Variants in PCDH11X observed in about 807,000 individuals in gnomAD.
PCDH11X encodes protocadherin-11 X-linked.
Under a neutral mutation model 53.3 loss-of-function variants are expected in PCDH11X, and 18 were observed. That is an observed-to-expected ratio of 0.34 (90% confidence interval 0.23 to 0.50). PCDH11X has a LOEUF of 0.50. Among genes scored for constraint, PCDH11X ranks in the 20% least tolerant of loss-of-function variants. The probability of loss-of-function intolerance (pLI) is 0.98; values close to 1 mark genes in which losing one functional copy is unlikely to be tolerated. For missense variants in PCDH11X, 570 were observed against 1,032.4 expected, an observed-to-expected ratio of 0.55 and a Z score of 6.14; for synonymous variants, 279 against 393.3, an observed-to-expected ratio of 0.71 and a Z score of 3.44.
chrX:92,563,772 C>G (rs757704747), intron 10 of PCDH11X, among the ~76,000 whole-genome samples: 8 of 111,184 alleles, frequency 7.2e-5, no homozygotes, highest in African/African-American at 2.6e-4. Flanking sequence ...AAAAAACTCA[C>G]TGGTAATAGT....
chrX:91,989,168 ATCCT>A (rs937492963), intron 6 of PCDH11X, among the ~76,000 whole-genome samples: 1 of 110,552 alleles, frequency 9.0e-6, no homozygotes, highest in Non-Finnish European at 1.9e-5. Context: ...AAGAAAGTCC[ATCCT>A]TCCTGATTCA....
At chrX:92,311,681 A>G (rs2068954022) in intron 8 of PCDH11X, among the ~76,000 whole-genome samples, 1 of 111,146 alleles carries the variant, frequency 9.0e-6, no homozygotes. Flanking sequence ...AGTAGCTCAC[A>G]GGACTTATCT....
intron 6 of PCDH11X, among the ~76,000 whole-genome samples, chrX:92,186,816 G>T (rs2066107887): frequency 9.0e-6 from 1 of 110,581 alleles, no homozygotes. Flanking sequence ...AGAGCTAAAA[G>T]AGAGAGTTTT....
At chrX:92,245,629 T>C (rs2067335062) in intron 7 of PCDH11X, among the ~76,000 whole-genome samples, 1 of 111,982 alleles carries the variant, frequency 8.9e-6, no homozygotes, top group Non-Finnish European at 1.9e-5. Context: ...GCCTGGTGAA[T>C]GAATGAGTGG....
At chrX:92,343,210 G>A (rs182380530) in intron 8 of PCDH11X, among the ~76,000 whole-genome samples, 1,582 of 111,781 alleles carry the variant, frequency 0.014, 12 homozygotes, top group Non-Finnish European at 0.021. Flanking sequence ...AATCTTTAAG[G>A]TCAGATTCAT....
Position 91,895,074 on chromosome X carries a change from G to A in PCDH11X, c.3033+15801G>A, listed in dbSNP as rs1404560014. ...CAACTACACACTTTCTGGATAAGGT[G>A]ACTCTTTTTACTCAGGAAAACAGTT... is the stretch of plus-strand genomic sequence containing the variant. On this transcript the variant is annotated intron_variant, in intron 6 of 10. Coordinates refer to ENST00000682573, the MANE Select transcript of PCDH11X (RefSeq NM_032968.5). Among the ~76,000 whole-genome samples the A allele has an allele frequency of 2.7e-5, 3 of 110,945 alleles. No homozygotes were observed. The Admixed American group carries it at 2.9e-4, about 11-fold the overall frequency.
intron 6 of PCDH11X, among the ~76,000 whole-genome samples, chrX:92,137,076 C>G (rs2065095723): frequency 9.3e-6 from 1 of 107,670 alleles, no homozygotes; most frequent in Admixed American, 1.0e-4. Flanking sequence ...TCACTGAAGC[C>G]TCAAACTCCT....
intron 6 of PCDH11X, among the ~76,000 whole-genome samples, chrX:92,026,443 A>G (rs184083074): frequency 0.011 from 1,262 of 110,459 alleles, 10 homozygotes; most frequent in Middle Eastern, 0.033. Context: ...CCTGCTGTAG[A>G]TCACTCACAC....
intron 8 of PCDH11X, among the ~76,000 whole-genome samples, chrX:92,285,246 A>ATTT (rs36047305): frequency 1.7e-4 from 7 of 40,773 alleles, no homozygotes; most frequent in Non-Finnish European, 2.4e-4. Context: ...AGACTGTAGA[A>ATTT]TTTTTTTTTT....
At chrX:92,482,972 A>C (rs2073541694) in intron 10 of PCDH11X, among the ~76,000 whole-genome samples, 1 of 109,416 alleles carries the variant, frequency 9.1e-6, no homozygotes, top group African/African-American at 3.3e-5. Context: ...GACACCAAAC[A>C]TTAAACATAA....
At chrX:91,780,929 G>A (rs1444259497) in intron 1 of PCDH11X, among the ~76,000 whole-genome samples, 2 of 112,132 alleles carry the variant, frequency 1.8e-5, no homozygotes, top group Non-Finnish European at 3.8e-5. Context: ...GAGCTTAACC[G>A]AAGATGGGCC....
intron 4 of PCDH11X, among the ~76,000 whole-genome samples, chrX:91,824,532 C>T (rs939726486): frequency 5.5e-5 from 6 of 109,951 alleles, no homozygotes; most frequent in Middle Eastern, 4.6e-3. Flanking sequence ...CCATCAGCTC[C>T]TTTAAGCACT....
chrX:92,336,699 A>G (rs917646149), intron 8 of PCDH11X, among the ~76,000 whole-genome samples: 1 of 111,980 alleles, frequency 8.9e-6, no homozygotes, highest in Non-Finnish European at 1.9e-5. Context: ...CAAAGTTTCT[A>G]AATATTTCTC....
intron 6 of PCDH11X, among the ~76,000 whole-genome samples, chrX:91,968,549 T>C (rs1331000570): frequency 9.0e-6 from 1 of 111,587 alleles, no homozygotes; most frequent in Non-Finnish European, 1.9e-5. Context: ...TTTATTTTTC[T>C]TTCAAATATC....
chrX:92,310,862 C>T (rs1030833084), intron 8 of PCDH11X, among the ~76,000 whole-genome samples: 134 of 111,548 alleles, frequency 1.2e-3, no homozygotes, highest in Non-Finnish European at 2.2e-3. Context: ...GTAAATGTAG[C>T]GCATTGTAGA....
chrX:92,033,871 T>C (rs1284852485), intron 6 of PCDH11X, among the ~76,000 whole-genome samples: 1 of 110,751 alleles, frequency 9.0e-6, no homozygotes, highest in Non-Finnish European at 1.9e-5. Flanking sequence ...TTCTTTTTTT[T>C]TTTAAATGTA....
intron 8 of PCDH11X, among the ~76,000 whole-genome samples, chrX:92,362,254 A>G (rs1676081950): frequency 9.6e-6 from 1 of 104,682 alleles, no homozygotes; most frequent in South Asian, 4.5e-4. Flanking sequence ...ATTTCTACCA[A>G]CAGTTTACAG....
intron 6 of PCDH11X, among the ~76,000 whole-genome samples, chrX:92,112,544 TTAGA>T (rs1486256729): frequency 9.3e-6 from 1 of 107,760 alleles, no homozygotes; most frequent in Non-Finnish European, 1.9e-5. Flanking sequence ...TGTTCACTTT[TTAGA>T]TAGAGATTTA....
chrX:92,175,069 G>A (rs2065883801), intron 6 of PCDH11X, among the ~76,000 whole-genome samples: 1 of 110,543 alleles, frequency 9.0e-6, no homozygotes, highest in African/African-American at 3.3e-5. Flanking sequence ...TCTGCCTCCT[G>A]GGTTCAAGTG....
Sources: gnomAD v4.1 joint callset for allele counts (sites outside exome capture counted in the v4.1 genomes callset) on GRCh38, gnomAD v4.1.1 for gene constraint, MANE v1.5 for transcripts, NCBI Gene and HGNC (gene_info 2026-07-23, HGNC 2026-07-21) for gene names.